Variants in ZNF511 observed in about 807,000 individuals in gnomAD.
ZNF511 encodes zinc finger protein 511.
A neutral mutation model predicts 24.8 loss-of-function variants in ZNF511; 26 were observed. That is an observed-to-expected ratio of 1.05 (90% CI 0.77 to 1.46). ZNF511 has a LOEUF of 1.46. Among genes scored for constraint, ZNF511 ranks in the 40% most tolerant of loss-of-function variants. The probability of loss-of-function intolerance (pLI) is 0.00; values close to 1 mark genes in which losing one functional copy is unlikely to be tolerated. For missense variants in ZNF511, 358 were observed against 345.0 expected, an observed-to-expected ratio of 1.04 and a Z score of -0.30; for synonymous variants, 144 against 139.6, an observed-to-expected ratio of 1.03 and a Z score of -0.22.
chr10:133,311,825 C>T lies in ZNF511; in HGVS notation c.664C>T (p.Arg222Trp), dbSNP rs771125116. Residue 222 changes from arginine (R) to tryptophan (W), a missense_variant, in exon 5 of 6, where the codon CGG (arginine) becomes TGG (tryptophan). Physicochemically the swap from Arg to Trp is moderately radical, Grantham distance 101. Coordinates refer to ENST00000361518, the MANE Select transcript of ZNF511 (RefSeq NM_145806.4). Reference sequence around the variant, plus strand: ...CTCCCCTGCACCGGCAGGTGAGAGGCGGATCTACAGACATAGGTCAGTGTC... The same window carrying T: ...CTCCCCTGCACCGGCAGGTGAGAGGTGGATCTACAGACATAGGTCAGTGTC... ...AASPAPAGER[R>W]IYRHRIPSTI... The T allele has an allele frequency of 1.3e-5, 21 of 1,613,134 alleles. No homozygotes were observed. Among genetic ancestry groups the T allele is most frequent in the African/African-American group, 2.7e-5 (2 of 74,924 alleles).
intron 4 of ZNF511, among the ~76,000 whole-genome samples, chr10:133,310,856 T>C (rs1589843648): frequency 2.0e-5 from 3 of 152,028 alleles, no homozygotes; most frequent in Non-Finnish European, 4.4e-5. Context: ...GGCTGGAGTG[T>C]AGTGGTGTGA....
Position 133,309,674 on chromosome 10 carries a change from G to T in ZNF511, c.228-102G>T, listed in dbSNP as rs1589842452. ...AAGAGGGTTTGGGATTGCAAAAGAT[G>T]CATAGGGGCTTTATTGGACGTCTCA... On this transcript the variant is annotated intron_variant, in intron 2 of 5. Transcript: ENST00000361518. The T allele has an allele frequency of 5.7e-6, 8 of 1,398,948 alleles. No homozygotes were observed. In the Admixed American group the frequency reaches 6.8e-5, roughly 12 times the overall value. The allele number at this position is 1,398,948 out of a possible 1,614,324, so 86.7% of individuals were successfully genotyped here.
chr10:133,310,324 T>A, intron 4 of ZNF511, 36 bp downstream of exon 4: 3 of 1,611,602 alleles, frequency 1.9e-6, no homozygotes, highest in South Asian at 1.1e-5. Flanking sequence ...TGTCTGCTTT[T>A]GATTTTAGGA....
rs768383316 is a variant in ZNF511 at position 133,309,917 on chromosome 10, C to T, written c.369C>T (p.Asp123=). ...CCTTCCCTTCCGGACACCTGCTGGA[C>T]GCCCACATCCTGGAGTGGCACGATT... The part of the protein sequence containing the change: ...KRAFPSGHLL[D]AHILEWHDSL... The change falls in exon 3 of 6, where the codon GAC becomes GAT. Residue 123 remains aspartate (D), a synonymous_variant. Coordinates refer to ENST00000361518, the MANE Select transcript of ZNF511 (RefSeq NM_145806.4). 8.7e-6 allele frequency: 14 copies of T among 1,613,462 alleles called. No individual in the cohort carries two copies. In the Middle Eastern group the frequency reaches 9.9e-4, roughly 114 times the overall value.
rs770405749 is a variant in ZNF511 at position 133,313,075 on chromosome 10, G to A, written c.*209G>A. ...GGAAACGACCTGGACACACTATTGGGAAGGAGATGTGGACGGCCTGTCTCC... is the reference window on the plus strand; with the variant it reads ...GGAAACGACCTGGACACACTATTGGAAAGGAGATGTGGACGGCCTGTCTCC... On this transcript the variant is annotated 3_prime_UTR_variant, in exon 6 of 6. Coordinates refer to ENST00000361518, the MANE Select transcript of ZNF511 (RefSeq NM_145806.4). 7.4e-7 allele frequency: 1 copy of A among 1,347,334 alleles called. No individual in the cohort carries two copies. Among genetic ancestry groups the A allele is most frequent in the Non-Finnish European group, 9.7e-7 (1 of 1,027,978 alleles). The allele number at this position is 1,347,334 out of a possible 1,614,324, so 83.5% of individuals were successfully genotyped here. A position where few individuals can be genotyped will look rare whatever the true frequency, so the allele number is the denominator to read the frequency against.
chr10:133,310,646 G>A (rs1419624191), intron 4 of ZNF511: 4 of 299,758 alleles, frequency 1.3e-5, no homozygotes, highest in African/African-American at 6.5e-5. Context: ...CCTCGGGGCC[G>A]TGTCTGTACC....
At chr10:133,309,133 T>G in intron 1 of ZNF511, 37 bp downstream of exon 1, 1 of 1,380,366 alleles carries the variant, frequency 7.2e-7, no homozygotes, top group Non-Finnish European at 9.4e-7. Flanking sequence ...AGTTGTAGGA[T>G]CCAGTGGGGC....
intron 1 of ZNF511, 97 bp from the exon 2 acceptor site, chr10:133,309,293 A>T: frequency 2.1e-6 from 3 of 1,458,796 alleles, no homozygotes; most frequent in Non-Finnish European, 2.8e-6. Flanking sequence ...GCGGGACCGG[A>T]GCGCGGGATG....
chr10:133,309,589 C>G (rs1424228030), intron 2 of ZNF511, 126 bp downstream of exon 2: 1 of 1,302,426 alleles, frequency 7.7e-7, no homozygotes. Context: ...TGTGCCTGTC[C>G]AGCTTTGGCG....
intron 5 of ZNF511, chr10:133,312,158 T>C: frequency 7.0e-7 from 1 of 1,430,822 alleles, no homozygotes; most frequent in Non-Finnish European, 9.1e-7. Flanking sequence ...TCTGCCTTAA[T>C]AGCATCACCT....
chr10:133,308,952 G>GC lies in ZNF511; in HGVS notation c.15dup (p.Ala6ArgfsTer68), dbSNP rs1047623525. 1.4e-5 allele frequency: 17 copies of GC among 1,233,594 alleles called. No homozygotes were observed. The highest frequency in any genetic ancestry group is 4.0e-5 in the South Asian group (1 of 24,892). 76.4% of individuals were successfully genotyped at this position (1,233,594 alleles called of 1,614,324 possible). A position where few individuals can be genotyped will look rare whatever the true frequency, so the allele number is the denominator to read the frequency against. On this transcript the variant is annotated frameshift_variant, in exon 1 of 6. Transcript: ENST00000361518. LOFTEE classifies it high-confidence loss of function. Reference sequence around the variant, plus strand: ...CGCCCGCGCCCGGGGTGATGCAGTTGCCCCCCGCGCTGTGCGCCCGCCTCG... The same window carrying GC: ...CGCCCGCGCCCGGGGTGATGCAGTTGCCCCCCCGCGCTGTGCGCCCGCCTCG...
intron 2 of ZNF511, 55 bp downstream of exon 2, chr10:133,309,518 G>A (rs1382059093): frequency 1.4e-5 from 22 of 1,554,176 alleles, no homozygotes; most frequent in Non-Finnish European, 1.8e-5. Flanking sequence ...CTCCCTGACC[G>A]GTGCCTGGTC....
chr10:133,312,043 T>C, intron 5 of ZNF511: 1 of 1,501,872 alleles, frequency 6.7e-7, no homozygotes, highest in Middle Eastern at 1.8e-4. Context: ...ACTCTGTTTT[T>C]GAGCCATTGA....
rs17553753 is a variant in ZNF511, at chr10:133,309,229, T to G, written c.153+133T>G. 32 of 960,894 alleles carry G rather than the reference T, an allele frequency of 3.3e-5. No individual in the cohort carries two copies. The African/African-American group carries it at 4.2e-4, about 13-fold the overall frequency. 59.5% of individuals were successfully genotyped at this position (960,894 alleles called of 1,614,324 possible). On this transcript the variant is annotated intron_variant, in intron 1 of 5. Transcript: ENST00000361518. ...GCCGGAGCCTGGGACAGGCGGGACCTGAGGTGGTGGGGCGGGGCCGGAACG... is the reference window on the plus strand; with the variant it reads ...GCCGGAGCCTGGGACAGGCGGGACCGGAGGTGGTGGGGCGGGGCCGGAACG...
chr10:133,312,080 C>T (rs1261695350), intron 5 of ZNF511: 24 of 1,458,874 alleles, frequency 1.6e-5, no homozygotes, highest in South Asian at 2.9e-5. Context: ...GCACCACTCA[C>T]TTTTCCTCAT....
intron 4 of ZNF511, among the ~76,000 whole-genome samples, chr10:133,310,774 A>C (rs1847973509): frequency 6.6e-6 from 1 of 151,348 alleles, no homozygotes; most frequent in South Asian, 2.1e-4. Flanking sequence ...TCCTGCCTAG[A>C]GTGCACTCTG....
At chr10:133,311,909 A>C (rs780221193) in intron 5 of ZNF511, 68 bp downstream of exon 5, 1 of 1,613,056 alleles carries the variant, frequency 6.2e-7, no homozygotes. Flanking sequence ...TCTGGGCTGC[A>C]CCTGGGCCGC....
chr10:133,310,350 G>A lies in ZNF511; in HGVS notation c.554+62G>A, dbSNP rs189515854. 5.6e-5 allele frequency: 89 copies of A among 1,603,198 alleles called. 1 individual carries two copies. In the East Asian group the frequency reaches 1.9e-3, roughly 35 times the overall value. On this transcript the variant is annotated intron_variant, in intron 4 of 5. Transcript: ENST00000361518. ...GATTTTAGGAAAAGGTTTCCAACTA[G>A]CCGGAATGCATAGACGGTCAGACTT...
In ZNF511 at chr10:133,308,971, C is replaced by T. The variant is rs549797543; in HGVS notation, c.28C>T (p.Arg10Cys). MQLPPALCARLAAGPGAAEP... is the reference protein window; with the variant it reads MQLPPALCACLAAGPGAAEP... ...GCAGTTGCCCCCCGCGCTGTGCGCC[C>T]GCCTCGCTGCGGGGCCCGGGGCGGC... is the stretch of plus-strand genomic sequence containing the variant. The change falls in exon 1 of 6, where the codon CGC becomes TGC. Residue 10 changes from arginine (R) to cysteine (C), a missense_variant. Coordinates refer to ENST00000361518, the MANE Select transcript of ZNF511 (RefSeq NM_145806.4). The T allele has an allele frequency of 2.3e-5, 28 of 1,242,798 alleles. No individual in the cohort carries two copies. The South Asian group carries it at 3.1e-4, about 14-fold the overall frequency. The allele number at this position is 1,242,798 out of a possible 1,614,324, so 77.0% of individuals were successfully genotyped here.
Sources: gnomAD v4.1 joint callset for allele counts (sites outside exome capture counted in the v4.1 genomes callset) on GRCh38, gnomAD v4.1.1 for gene constraint, MANE v1.5 for transcripts, NCBI Gene and HGNC (gene_info 2026-07-23, HGNC 2026-07-21) for gene names.